SSH2: variants seen among roughly 807,000 people sequenced by gnomAD.
SSH2 encodes the protein slingshot protein phosphatase 2.
SSH2 carries 37 observed loss-of-function variants against 135.2 expected under a neutral mutation model. That is an observed-to-expected ratio of 0.27 (90% CI 0.21 to 0.36). SSH2 has a LOEUF of 0.36. Ranked by LOEUF, SSH2 falls within the 10% of genes least tolerant of loss-of-function variation. SSH2 has a pLI of 1.00. For synonymous variants in SSH2, 628 were observed against 646.2 expected, an observed-to-expected ratio of 0.97 and a Z score of 0.43; for missense variants, 1,408 against 1,765.3, an observed-to-expected ratio of 0.80 and a Z score of 3.63.
intron 1 of SSH2, among the ~76,000 whole-genome samples, chr17:29,898,258 A>C (rs2066480550): frequency 6.6e-6 from 1 of 152,194 alleles, no homozygotes; most frequent in Non-Finnish European, 1.5e-5. Flanking sequence ...AGCTAGCAGA[A>C]GGCAAGAAAT....
intron 8 of SSH2, chr17:29,676,081 A>T (rs1046422560): frequency 1.3e-5 from 2 of 152,242 alleles, no homozygotes; most frequent in Non-Finnish European, 2.9e-5. Flanking sequence ...TTATGCAAAT[A>T]GCCACCAGCA....
At chr17:29,683,544 T>G (rs532064541) in intron 6 of SSH2, among the ~76,000 whole-genome samples, 5 of 151,116 alleles carry the variant, frequency 3.3e-5, no homozygotes, top group Admixed American at 6.6e-5. Context: ...CAGACTGTAG[T>G]TTAAGTGGGA....
chr17:29,669,826 C>A (rs1234522553), intron 9 of SSH2, among the ~76,000 whole-genome samples: 1 of 151,096 alleles, frequency 6.6e-6, no homozygotes, highest in African/African-American at 2.4e-5. Context: ...AGAGCAATAT[C>A]TTTCTTCCTC....
intron 2 of SSH2, among the ~76,000 whole-genome samples, chr17:29,833,465 A>G (rs1326657984): frequency 3.3e-5 from 5 of 151,830 alleles, no homozygotes; most frequent in Admixed American, 6.6e-5. Context: ...TCTTTAGTCT[A>G]TATGTGTCTT....
rs186666867 is a variant in SSH2 at position 29,747,736 on chromosome 17, T to C, written c.189-44674A>G. ...TAAAGTATGTGAAAGATTCAGAAATTGTGTGATAACATCTACATCACTGTT... is the reference window on the plus strand; with the variant it reads ...TAAAGTATGTGAAAGATTCAGAAATCGTGTGATAACATCTACATCACTGTT... On this transcript the variant is annotated intron_variant, in intron 3 of 15. Transcript: ENST00000540801. 1.2e-3 allele frequency among the ~76,000 whole-genome samples: 185 copies of C among 152,320 alleles called. 1 individual carries two copies. Among genetic ancestry groups the C allele is most frequent in the Non-Finnish European group, 2.2e-3 (147 of 68,024 alleles).
intron 14 of SSH2, among the ~76,000 whole-genome samples, chr17:29,637,339 T>C (rs1033160363): frequency 6.6e-6 from 1 of 152,186 alleles, no homozygotes; most frequent in Non-Finnish European, 1.5e-5. Flanking sequence ...CCTCGAGTGA[T>C]ATGCCCACAT....
At chr17:29,683,582 A>G in intron 6 of SSH2, among the ~76,000 whole-genome samples, 1 of 152,152 alleles carries the variant, frequency 6.6e-6, no homozygotes, top group East Asian at 1.9e-4. Context: ...CTACTGGTAT[A>G]CTACCACAAA....
intron 1 of SSH2, among the ~76,000 whole-genome samples, chr17:29,857,272 G>C (rs2065679495): frequency 6.6e-6 from 1 of 152,214 alleles, no homozygotes; most frequent in Non-Finnish European, 1.5e-5. Context: ...GGAAGAGCAA[G>C]TCACATCTTA....
chr17:29,847,866 A>G (rs1283959713), intron 2 of SSH2, among the ~76,000 whole-genome samples: 1 of 152,198 alleles, frequency 6.6e-6, no homozygotes, highest in Non-Finnish European at 1.5e-5. Flanking sequence ...AAAGTTCTAA[A>G]TAACCCACCC....
intron 1 of SSH2, among the ~76,000 whole-genome samples, chr17:29,861,568 TTC>T (rs199500875): frequency 4.2e-5 from 5 of 119,400 alleles, no homozygotes; most frequent in Admixed American, 9.5e-5. Context: ...CATAATCTTC[TTC>T]TTTTTTTTTT....
chr17:29,742,230 G>C (rs77872787), intron 3 of SSH2, among the ~76,000 whole-genome samples: 1 of 151,140 alleles, frequency 6.6e-6, no homozygotes, highest in Non-Finnish European at 1.5e-5. Flanking sequence ...CCACTGGCCC[G>C]GTTGCTTCAC....
chr17:29,897,312 C>G (rs2066464148), intron 1 of SSH2, among the ~76,000 whole-genome samples: 1 of 152,062 alleles, frequency 6.6e-6, no homozygotes, highest in Non-Finnish European at 1.5e-5. Flanking sequence ...GGCCTAAATG[C>G]TCCAATTAAA....
At chr17:29,923,063 G>A (rs955907503) in intron 1 of SSH2, among the ~76,000 whole-genome samples, 1 of 151,954 alleles carries the variant, frequency 6.6e-6, no homozygotes, top group African/African-American at 2.4e-5. Context: ...GGCATGTACC[G>A]CCACACCCAG....
At chr17:29,772,393 C>A (rs949750491) in intron 3 of SSH2, among the ~76,000 whole-genome samples, 8 of 151,900 alleles carry the variant, frequency 5.3e-5, no homozygotes, top group African/African-American at 1.9e-4. Flanking sequence ...CTACAGGCGC[C>A]CACCACCATG....
chr17:29,696,488 C>T (rs558106497), intron 4 of SSH2, among the ~76,000 whole-genome samples: 51 of 144,242 alleles, frequency 3.5e-4, no homozygotes, highest in African/African-American at 1.1e-3. Flanking sequence ...CCAGTGTGGG[C>T]GACAGAGCGA....
intron 3 of SSH2, among the ~76,000 whole-genome samples, chr17:29,714,474 T>G (rs2039544724): frequency 6.6e-6 from 1 of 152,228 alleles, no homozygotes; most frequent in African/African-American, 2.4e-5. Flanking sequence ...CAATGTGTCT[T>G]TGAGGCTAAG....
intron 14 of SSH2, among the ~76,000 whole-genome samples, chr17:29,646,248 C>T (rs1198548339): frequency 1.3e-5 from 2 of 152,168 alleles, no homozygotes; most frequent in Non-Finnish European, 2.9e-5. Context: ...ATTAATTACT[C>T]ATTTTATAAC....
chr17:29,842,234 A>G (rs993768791), intron 2 of SSH2, among the ~76,000 whole-genome samples: 1 of 151,954 alleles, frequency 6.6e-6, no homozygotes, highest in African/African-American at 2.4e-5. Context: ...CAGGTGGGTC[A>G]CCTGAGGTCA....
intron 2 of SSH2, among the ~76,000 whole-genome samples, chr17:29,812,116 CTG>C (rs2042453307): frequency 6.7e-6 from 1 of 149,344 alleles, no homozygotes; most frequent in Non-Finnish European, 1.5e-5. Flanking sequence ...GAAACAGGGA[CTG>C]TGTCTTATTT....
Sources: gnomAD v4.1 joint callset for allele counts (sites outside exome capture counted in the v4.1 genomes callset) on GRCh38, gnomAD v4.1.1 for gene constraint, MANE v1.5 for transcripts, NCBI Gene and HGNC (gene_info 2026-07-23, HGNC 2026-07-21) for gene names.